Variants in PDGFA observed in about 807,000 individuals in gnomAD.
The protein encoded by PDGFA is platelet-derived growth factor subunit A.
PDGFA carries 9 observed loss-of-function variants against 25.6 expected under a neutral mutation model. The ratio of observed to expected loss-of-function variants is 0.35; its 90% CI spans 0.21 to 0.61. The LOEUF is 0.61. Ranked by LOEUF, PDGFA falls within the 20% of genes least tolerant of loss-of-function variation. The pLI is 0.75. For synonymous variants in PDGFA, 133 were observed against 111.8 expected, an observed-to-expected ratio of 1.19 and a Z score of -1.20; for missense variants, 242 against 272.8, an observed-to-expected ratio of 0.89 and a Z score of 0.79.
intron 5 of PDGFA, among the ~76,000 whole-genome samples, chr7:498,905 C>T (rs1384208836): frequency 6.6e-6 from 1 of 152,204 alleles, no homozygotes; most frequent in Non-Finnish European, 1.5e-5. Flanking sequence ...CAGCCTAGGG[C>T]TTAGATGTGA....
chr7:506,962 G>A (rs867884012), intron 4 of PDGFA, among the ~76,000 whole-genome samples: 32 of 152,288 alleles, frequency 2.1e-4, no homozygotes, highest in South Asian at 4.1e-4. Flanking sequence ...GACTTTGGGG[G>A]CCCCTCCCGG....
chr7:514,442 C>T (rs1418526187), intron 2 of PDGFA, among the ~76,000 whole-genome samples: 1 of 152,178 alleles, frequency 6.6e-6, no homozygotes, highest in Non-Finnish European at 1.5e-5. Flanking sequence ...CCTTTGCTCC[C>T]AGCTCAAGAT....
chr7:519,250 C>G, exon 1 of PDGFA: 1 of 160,188 alleles, frequency 6.2e-6, no homozygotes, highest in Non-Finnish European at 1.3e-5. Context: ...CCTCCTGGGC[C>G]GCCGGGTAGG....
intron 2 of PDGFA, among the ~76,000 whole-genome samples, chr7:516,793 G>C (rs2128406780): frequency 6.6e-6 from 1 of 152,286 alleles, no homozygotes; most frequent in African/African-American, 2.4e-5. Context: ...AGGGTGAGCC[G>C]CAAAAATAGC....
chr7:517,327 C>T lies in PDGFA; in HGVS notation c.160+67G>A. Reference sequence around the variant, plus strand: ...TCCTGCGCGGCGCCCCGCCCGGCCCCAGCTCGGGGCGCACAGGCCGCCCGC... The same window carrying T: ...TCCTGCGCGGCGCCCCGCCCGGCCCTAGCTCGGGGCGCACAGGCCGCCCGC... On this transcript the variant is annotated intron_variant, in intron 2 of 5. Transcript: ENST00000402802. The surrounding 1 kb of genome is among the most constrained non-coding windows in gnomAD (Gnocchi z 7.4). 1 of 658,308 alleles carries T rather than the reference C, an allele frequency of 1.5e-6. No homozygotes were observed. Among genetic ancestry groups the T allele is most frequent in the Non-Finnish European group, 2.2e-6 (1 of 465,006 alleles). 40.8% of individuals were successfully genotyped at this position (658,308 alleles called of 1,614,324 possible).
In PDGFA at chr7:500,982, C is replaced by T; in HGVS notation, c.580+134G>A. Reference sequence around the variant, plus strand: ...GCAGGCATCTGGCCCGGGAGCAGGGCAACGAATCCTTCAACAGCAGCCCAG... The same window carrying T: ...GCAGGCATCTGGCCCGGGAGCAGGGTAACGAATCCTTCAACAGCAGCCCAG... On this transcript the variant is annotated intron_variant, in intron 5 of 5. Coordinates refer to ENST00000402802, the Ensembl canonical transcript of PDGFA. The surrounding 1 kb of genome is among the most constrained non-coding windows in gnomAD (Gnocchi z 5.0). 3 of 1,600,336 alleles carry T rather than the reference C, an allele frequency of 1.9e-6. No individual in the cohort carries two copies. Among genetic ancestry groups the T allele is most frequent in the Non-Finnish European group, 2.5e-6 (3 of 1,178,840 alleles).
chr7:502,040 CAT>C (rs1323594037), intron 4 of PDGFA, among the ~76,000 whole-genome samples: 4 of 152,068 alleles, frequency 2.6e-5, no homozygotes, highest in Non-Finnish European at 4.4e-5. Context: ...GCCTGGGCAA[CAT>C]AGTAAGACCC....
Position 500,384 on chromosome 7 carries a change from C to T in PDGFA, c.580+732G>A. On this transcript the variant is annotated intron_variant, in intron 5 of 5. Transcript: ENST00000402802. The surrounding 1 kb of genome is among the most constrained non-coding windows in gnomAD (Gnocchi z 5.0). ...ATTTGCTGGTGTGATCAGTCAGTTGCACCTCCCCGCCCTGCAGGACTCAGT... is the reference window on the plus strand; with the variant it reads ...ATTTGCTGGTGTGATCAGTCAGTTGTACCTCCCCGCCCTGCAGGACTCAGT... 6.3e-7 allele frequency: 1 copy of T among 1,596,154 alleles called. No homozygotes were observed.
chr7:500,614 C>A lies in PDGFA; in HGVS notation c.580+502G>T. ...ATCTTTCCAGAAGAGAAGGCCAGCACCCTGGCACCGAGAAACTTCTGAGTC... is the reference window on the plus strand; with the variant it reads ...ATCTTTCCAGAAGAGAAGGCCAGCAACCTGGCACCGAGAAACTTCTGAGTC... On this transcript the variant is annotated intron_variant, in intron 5 of 5. Transcript: ENST00000402802. The surrounding 1 kb of genome is among the most constrained non-coding windows in gnomAD (Gnocchi z 5.0). The A allele has an allele frequency of 6.5e-7, 1 of 1,532,848 alleles. No individual in the cohort carries two copies. The highest frequency in any genetic ancestry group is 8.7e-7 in the Non-Finnish European group (1 of 1,144,696). The allele number at this position is 1,532,848 out of a possible 1,614,324, so 95.0% of individuals were successfully genotyped here.
intron 2 of PDGFA, chr7:513,610 C>G (rs953623999): frequency 6.6e-6 from 1 of 152,292 alleles, no homozygotes; most frequent in Non-Finnish European, 1.5e-5. Context: ...CTCCCTGCCC[C>G]CTCCTGGGAA....
In PDGFA at chr7:512,375, G is replaced by A. The variant is rs1261341584; in HGVS notation, c.241C>T (p.Pro81Ser). Residue 81 changes from proline (P) to serine (S), a missense_variant, in exon 3 of 6, where the codon CCC becomes TCC. By Grantham distance (74) the Pro-to-Ser change is moderately conservative (BLOSUM62 -1). Coordinates refer to ENST00000402802, the Ensembl canonical transcript of PDGFA. ...CCGATGCTTCTCTTCCTCCGAATGG[G>A]CAGGGGCCGCTTCTCGGGCACATGC... 7 of 1,613,364 alleles carry A rather than the reference G, an allele frequency of 4.3e-6. No homozygotes were observed. The East Asian group carries it at 1.1e-4, about 26-fold the overall frequency.
At position 517,099 on chromosome 7, in the gene PDGFA, G is replaced by A. The variant is rs1056595330; in HGVS notation, c.160+295C>T. ...CCGCTCCCCCGGCCCGAGGGCAGGC[G>A]CGGGGCCCGCACACCTGGCGGAGGC... On this transcript the variant is annotated intron_variant, in intron 2 of 5. Coordinates refer to ENST00000402802, the Ensembl canonical transcript of PDGFA. The surrounding 1 kb of genome is among the most constrained non-coding windows in gnomAD (Gnocchi z 7.4). Among the ~76,000 whole-genome samples the A allele has an allele frequency of 4.0e-5, 6 of 151,346 alleles. No homozygotes were observed. Among genetic ancestry groups the A allele is most frequent in the African/African-American group, 1.2e-4 (5 of 41,320 alleles).
At chr7:512,253 G>C (rs1782884989) in intron 3 of PDGFA, 98 bp downstream of exon 3, 1 of 1,155,684 alleles carries the variant, frequency 8.7e-7, no homozygotes, top group African/African-American at 1.5e-5. Context: ...TGGGAGAGCG[G>C]GCAGCTCCTC....
Position 519,096 on chromosome 7 carries a change from C to A in PDGFA, c.-95G>T. 1 of 917,770 alleles carries A rather than the reference C, an allele frequency of 1.1e-6. No individual in the cohort carries two copies. The highest frequency in any genetic ancestry group is 1.8e-5 in the South Asian group (1 of 55,192). The allele number at this position is 917,770 out of a possible 1,614,324, so 56.9% of individuals were successfully genotyped here. The stretch of plus-strand genomic sequence containing the variant: ...GTGGCGGCGAAATTCAGTACCATCC[C>A]TTAGGGAGCGCGGCCCGGAGGAGGG... On this transcript the variant is annotated 5_prime_UTR_variant, in exon 1 of 6. The change creates a new upstream start codon in the 5' untranslated region. Transcript: ENST00000402802.
At chr7:497,734 T>C (rs1303621136) in exon 6 of PDGFA, 3 of 151,900 alleles carry the variant, frequency 2.0e-5, no homozygotes, top group Admixed American at 2.0e-4. Flanking sequence ...TAGGAAATGA[T>C]GCATAGGTAG....
intron 4 of PDGFA, among the ~76,000 whole-genome samples, chr7:508,975 G>T (rs1782686262): frequency 6.6e-6 from 1 of 152,262 alleles, no homozygotes. Context: ...CCATTGCACA[G>T]GTGAGGAAAA....
At chr7:506,729 C>T (rs1364374989) in intron 4 of PDGFA, among the ~76,000 whole-genome samples, 1 of 152,142 alleles carries the variant, frequency 6.6e-6, no homozygotes, top group Admixed American at 6.5e-5. Context: ...GCTAACTGTG[C>T]CAGGCAGAGT....
intron 2 of PDGFA, among the ~76,000 whole-genome samples, chr7:514,548 C>T (rs1194672265): frequency 6.6e-6 from 1 of 152,172 alleles, no homozygotes; most frequent in Non-Finnish European, 1.5e-5. Flanking sequence ...CAAGAATCAC[C>T]CCTAAAACTG....
intron 4 of PDGFA, among the ~76,000 whole-genome samples, chr7:508,590 T>TAAAAAACC (rs1275774675): frequency 9.2e-5 from 12 of 130,888 alleles, no homozygotes; most frequent in Admixed American, 1.7e-4. Context: ...AAAAAAAAAT[T>TAAAAAACC]CTCAGCTGAG....
Sources: gnomAD v4.1 joint callset for allele counts (sites outside exome capture counted in the v4.1 genomes callset) on GRCh38, gnomAD v4.1.1 for gene constraint, Gnocchi (gnomAD v3.1) non-coding constraint, MANE v1.5 for transcripts, NCBI Gene and HGNC (gene_info 2026-07-23, HGNC 2026-07-21) for gene names.